Variants in KAT6B observed in about 807,000 individuals in gnomAD.
The protein encoded by KAT6B is histone acetyltransferase KAT6B.
A neutral mutation model predicts 187.5 loss-of-function variants in KAT6B; 10 were observed. The ratio of observed to expected loss-of-function variants is 0.05; its 90% CI spans 0.03 to 0.09. The LOEUF is 0.09. KAT6B is among the 10% of genes least tolerant of loss of function. The pLI is 1.00. For synonymous variants in KAT6B, 861 were observed against 926.8 expected (o/e 0.93, Z 1.29); for missense variants, 1,952 against 2,558.9 (o/e 0.76, Z 5.12).
chr10:74,950,688 C>T (rs952293701), intron 3 of KAT6B, among the ~76,000 whole-genome samples: 1 of 152,032 alleles, frequency 6.6e-6, no homozygotes, highest in South Asian at 2.1e-4. Flanking sequence ...TCTGAAGTAG[C>T]AAACAAAAAA....
At chr10:74,927,505 TCTC>T (rs1273632321) in intron 3 of KAT6B, among the ~76,000 whole-genome samples, 2 of 142,448 alleles carry the variant, frequency 1.4e-5, no homozygotes, top group Non-Finnish European at 3.0e-5. Context: ...AAATTGAAAA[TCTC>T]CTGTTTGAAA....
At chr10:74,954,563 C>T (rs746348163) in intron 3 of KAT6B, among the ~76,000 whole-genome samples, 1 of 152,112 alleles carries the variant, frequency 6.6e-6, no homozygotes, top group Non-Finnish European at 1.5e-5. Context: ...AAGTTTTGTA[C>T]TCTGTAACCA....
At chr10:74,868,094 G>C (rs1213021521) in intron 3 of KAT6B, among the ~76,000 whole-genome samples, 2 of 152,124 alleles carry the variant, frequency 1.3e-5, no homozygotes, top group Admixed American at 6.5e-5. Context: ...AAGATACGTG[G>C]TAGAGTTTTT....
intron 9 of KAT6B, 128 bp downstream of exon 9, chr10:74,977,565 A>T: frequency 1.7e-6 from 2 of 1,195,826 alleles, no homozygotes; most frequent in South Asian, 2.5e-5. Flanking sequence ...AGCCGTTATC[A>T]TGCCCATTTC....
At position 75,028,676 on chromosome 10, in the gene KAT6B, C is replaced by T. The variant is rs376367047; in HGVS notation, c.3852C>T (p.Asp1284=). 23 of 1,613,974 alleles carry T rather than the reference C, an allele frequency of 1.4e-5. No individual in the cohort carries two copies. The African/African-American group carries it at 1.7e-4, about 12-fold the overall frequency. ...YTPPETPMEP[D]EQVTVEEQKE... ...CGCCAGAAACACCCATGGAGCCTGA[C>T]GAGCAGGTAACAGTGGAAGAACAGA... The change falls in exon 18 of 18, where the codon GAC becomes GAT. Residue 1284 remains aspartate, a synonymous_variant. Coordinates refer to ENST00000287239, the MANE Select transcript of KAT6B (RefSeq NM_012330.4).
chr10:75,030,199 T>C lies in KAT6B; in HGVS notation c.5375T>C (p.Ile1792Thr). 6.2e-7 allele frequency: 1 copy of C among 1,614,180 alleles called. No homozygotes were observed. The highest frequency in any genetic ancestry group is 8.5e-7 in the Non-Finnish European group (1 of 1,180,024). ...AEIPETSNAN[I>T]GLYERMGQSD... ...ATCCCCGAGACGAGCAACGCCAACA[T>C]TGGCTTATACGAGCGAATGGGTCAG... Residue 1792 changes from isoleucine (I) to threonine (T), a missense_variant, in exon 18 of 18, where the codon ATT becomes ACT. Coordinates refer to ENST00000287239, the MANE Select transcript of KAT6B (RefSeq NM_012330.4). This position sits in a 1 kb window ranked among gnomAD's most constrained non-coding sequence, Gnocchi z 4.8.
At chr10:75,001,431 A>G (rs1843827322) in intron 13 of KAT6B, among the ~76,000 whole-genome samples, 1 of 152,112 alleles carries the variant, frequency 6.6e-6, no homozygotes, top group African/African-American at 2.4e-5. Flanking sequence ...AAAGCCACAT[A>G]CTTCATTTCT....
intron 13 of KAT6B, among the ~76,000 whole-genome samples, chr10:75,005,719 G>C (rs11816422): frequency 0.12 from 18,644 of 151,980 alleles, 2,265 homozygotes; most frequent in African/African-American, 0.31. Flanking sequence ...TGGATTTGTG[G>C]TTAGCATGTT....
intron 3 of KAT6B, among the ~76,000 whole-genome samples, chr10:74,916,482 A>C (rs1460319271): frequency 6.6e-6 from 1 of 152,216 alleles, no homozygotes; most frequent in Non-Finnish European, 1.5e-5. Flanking sequence ...ATATCTGCCC[A>C]GTGGTATTGA....
Position 75,031,189 on chromosome 10 carries a change from A to AG in KAT6B, c.*143_*144insG. ...GGCACCATTTATTTAAAAAAAAAAAAAGCTGTATGCAGCAGAAAGCCTTAT... is the reference window on the plus strand; with the variant it reads ...GGCACCATTTATTTAAAAAAAAAAAAGAGCTGTATGCAGCAGAAAGCCTTAT... On this transcript the variant is annotated 3_prime_UTR_variant, in exon 18 of 18. Transcript: ENST00000287239. 1.0e-6 allele frequency: 1 copy of AG among 988,842 alleles called. No individual in the cohort carries two copies. Among genetic ancestry groups the AG allele is most frequent in the Non-Finnish European group, 1.5e-6 (1 of 662,782 alleles). The allele number at this position is 988,842 out of a possible 1,614,324, so 61.3% of individuals were successfully genotyped here.
chr10:75,022,262 G>T, intron 16 of KAT6B, 31 bp downstream of exon 16: 1 of 1,611,726 alleles, frequency 6.2e-7, no homozygotes, highest in Non-Finnish European at 8.5e-7. Context: ...TCTGTGAGTC[G>T]CGTTCAATCA....
In KAT6B at chr10:75,029,347, CAGG is replaced by C. The variant is rs746334369; in HGVS notation, c.4526_4528del (p.Gly1509del). ...CCCGAATCTGACGAGGAGCCACCCC[CAGG>C]AGAACAGGCACAGAAGCAGGACCAA... On this transcript the variant is annotated inframe_deletion, in exon 18 of 18. Coordinates refer to ENST00000287239, the MANE Select transcript of KAT6B (RefSeq NM_012330.4). The surrounding 1 kb of genome is among the most constrained non-coding windows in gnomAD (Gnocchi z 6.2). 11 of 1,613,962 alleles carry C rather than the reference CAGG, an allele frequency of 6.8e-6. No homozygotes were observed. Among genetic ancestry groups the C allele is most frequent in the Non-Finnish European group, 9.3e-6 (11 of 1,180,036 alleles).
chr10:74,925,364 T>C (rs1400355841), intron 3 of KAT6B, among the ~76,000 whole-genome samples: 1 of 152,050 alleles, frequency 6.6e-6, no homozygotes, highest in Non-Finnish European at 1.5e-5. Flanking sequence ...TATTGTGGGA[T>C]AATCATTCCA....
At chr10:74,969,099 C>G (rs1841682305) in intron 4 of KAT6B, among the ~76,000 whole-genome samples, 1 of 151,934 alleles carries the variant, frequency 6.6e-6, no homozygotes, top group South Asian at 2.1e-4. Context: ...GACCCAGGGG[C>G]AAGATGGCAA....
chr10:74,915,165 A>G (rs1217590118), intron 3 of KAT6B, among the ~76,000 whole-genome samples: 1 of 152,216 alleles, frequency 6.6e-6, no homozygotes, highest in Non-Finnish European at 1.5e-5. Context: ...CTTCATAGTG[A>G]TGATAATCAT....
At chr10:74,842,304 C>G (rs909152795) in intron 2 of KAT6B, among the ~76,000 whole-genome samples, 1 of 152,128 alleles carries the variant, frequency 6.6e-6, no homozygotes, top group African/African-American at 2.4e-5. Context: ...CCTCAAACCA[C>G]TTTCATATAA....
intron 3 of KAT6B, among the ~76,000 whole-genome samples, chr10:74,946,339 G>T (rs996495332): frequency 3.9e-5 from 6 of 152,042 alleles, no homozygotes; most frequent in Admixed American, 6.6e-5. Context: ...CTAGTTAGGG[G>T]TTTCTAATGA....
At chr10:74,950,598 C>T (rs1022584149) in intron 3 of KAT6B, among the ~76,000 whole-genome samples, 2 of 152,032 alleles carry the variant, frequency 1.3e-5, no homozygotes, top group Non-Finnish European at 2.9e-5. Flanking sequence ...TGATCTGTTC[C>T]GACAGACATC....
Position 75,020,832 on chromosome 10 carries a change from G to A in KAT6B, c.2861+19G>A. 1 of 1,605,810 alleles carries A rather than the reference G, an allele frequency of 6.2e-7. No homozygotes were observed. Among genetic ancestry groups the A allele is most frequent in the Non-Finnish European group, 8.5e-7 (1 of 1,173,782 alleles). ...ATGGCAGGTGAGTCCTGGGACCCTG[G>A]GCAGCTCCGTGGCTCAGGCATCCCA... On this transcript the variant is annotated intron_variant, in intron 14 of 17. Coordinates refer to ENST00000287239, the MANE Select transcript of KAT6B (RefSeq NM_012330.4).
Sources: allele counts gnomAD v4.1 joint callset (sites outside exome capture counted in the v4.1 genomes callset), GRCh38; gene constraint gnomAD v4.1.1; non-coding constraint Gnocchi (gnomAD v3.1); transcripts MANE v1.5; gene names NCBI Gene and HGNC (gene_info 2026-07-23, HGNC 2026-07-21).